Variants in TMPRSS15 observed in about 807,000 individuals in gnomAD.
TMPRSS15 encodes enteropeptidase.
TMPRSS15 carries 128 observed loss-of-function variants against 125.3 expected under a neutral mutation model. That is an observed-to-expected ratio of 1.02 (90% CI 0.89 to 1.18). The LOEUF is 1.18. TMPRSS15 is among the 50% of genes most tolerant of loss of function. TMPRSS15 has a pLI of 0.00. For synonymous variants in TMPRSS15, 446 were observed against 423.2 expected (o/e 1.05, Z -0.66); for missense variants, 1,283 against 1,212.7 (o/e 1.06, Z -0.86).
At chr21:18,449,584 C>T (rs541325512) in intron 1 of TMPRSS15, among the ~76,000 whole-genome samples, 1 of 152,170 alleles carries the variant, frequency 6.6e-6, no homozygotes, top group African/African-American at 2.4e-5. Context: ...ACTAATTGAA[C>T]CTCCTTCTGT....
chr21:18,321,288 T>C (rs2075231842), intron 16 of TMPRSS15, among the ~76,000 whole-genome samples: 2 of 151,950 alleles, frequency 1.3e-5, no homozygotes, highest in South Asian at 2.1e-4. Flanking sequence ...AACTGGATGC[T>C]TGGAAGGTGG....
chr21:18,403,522 C>A lies in TMPRSS15; in HGVS notation c.101G>T (p.Gly34Val). ...LFAILVVLCA[G>V]LIAVSCLTIK... The stretch of plus-strand genomic sequence containing the variant: ...TGTCAGGCAGGATACTGCAATTAAT[C>A]CAGCACAGAGCACTACCAATATGGC... Residue 34 changes from glycine (G) to valine (V), a missense_variant, in exon 1 of 25, where the codon GGA becomes GTA. Coordinates refer to ENST00000284885, the MANE Select transcript of TMPRSS15 (RefSeq NM_002772.3). 6.2e-7 allele frequency: 1 copy of A among 1,614,138 alleles called. No individual in the cohort carries two copies. Among genetic ancestry groups the A allele is most frequent in the South Asian group, 1.1e-5 (1 of 91,074 alleles).
chr21:18,398,348 A>C lies in TMPRSS15; in HGVS notation c.146-19T>G. 1 of 1,612,596 alleles carries C rather than the reference A, an allele frequency of 6.2e-7. No individual in the cohort carries two copies. The highest frequency in any genetic ancestry group is 8.5e-7 in the Non-Finnish European group (1 of 1,179,286). On this transcript the variant is annotated intron_variant, in intron 1 of 24. Transcript: ENST00000284885. ...GCTGCACCTAGATAAATTAATAAGG[A>C]AAAAACACTAAGATTTTGGATTATG... is the stretch of plus-strand genomic sequence containing the variant.
At chr21:18,450,612 C>G (rs751378720) in intron 1 of TMPRSS15, among the ~76,000 whole-genome samples, 1 of 152,062 alleles carries the variant, frequency 6.6e-6, no homozygotes, top group Non-Finnish European at 1.5e-5. Context: ...GGACTGTGCT[C>G]TGGTAAATAG....
At chr21:18,480,604 G>A (rs2824847) in intron 1 of TMPRSS15, among the ~76,000 whole-genome samples, 85,956 of 151,492 alleles carry the variant, frequency 0.57, 25,111 homozygotes, top group East Asian at 0.92. Context: ...TTGTCAGGGT[G>A]CTCAAGATGA....
intron 24 of TMPRSS15, among the ~76,000 whole-genome samples, chr21:18,271,565 T>C (rs928980500): frequency 6.6e-6 from 1 of 152,202 alleles, no homozygotes; most frequent in Non-Finnish European, 1.5e-5. Context: ...AGTTTAGTTA[T>C]GTAACTTCTC....
chr21:18,479,275 A>G (rs1322656960), intron 1 of TMPRSS15, among the ~76,000 whole-genome samples: 1 of 152,020 alleles, frequency 6.6e-6, no homozygotes, highest in Non-Finnish European at 1.5e-5. Flanking sequence ...AAATACATAC[A>G]TTCATAAACA....
Position 18,365,249 on chromosome 21 carries a change from C to T in TMPRSS15, c.665-1G>A. 3 of 1,612,754 alleles carry T rather than the reference C, an allele frequency of 1.9e-6. No homozygotes were observed. Among genetic ancestry groups the T allele is most frequent in the Non-Finnish European group, 2.5e-6 (3 of 1,178,788 alleles). On this transcript the variant is annotated splice_acceptor_variant, in intron 6 of 24. Coordinates refer to ENST00000284885, the MANE Select transcript of TMPRSS15 (RefSeq NM_002772.3). LOFTEE classifies it high-confidence loss of function. ...AAAAATCTTCCATCACAAACTGTGG[C>T]TGCAAAACGATGCCAATTAATGTTA...
At chr21:18,284,507 C>T (rs578191576) in intron 21 of TMPRSS15, among the ~76,000 whole-genome samples, 1 of 152,146 alleles carries the variant, frequency 6.6e-6, no homozygotes, top group East Asian at 1.9e-4. Flanking sequence ...TTTTATATAC[C>T]CAAATCTGAG....
chr21:18,437,444 G>A (rs1025708304), intron 1 of TMPRSS15, among the ~76,000 whole-genome samples: 4 of 152,064 alleles, frequency 2.6e-5, no homozygotes, highest in Non-Finnish European at 4.4e-5. Context: ...AACACAAAAA[G>A]CAATGGTAAC....
rs765937590 is a variant in TMPRSS15 at position 18,343,583 on chromosome 21, C to CT, written c.1350dup (p.Val451SerfsTer21). The CT allele has an allele frequency of 1.2e-5, 20 of 1,612,762 alleles. No individual in the cohort carries two copies. In the South Asian group the frequency reaches 2.1e-4, roughly 17 times the overall value. On this transcript the variant is annotated frameshift_variant, in exon 12 of 25. Transcript: ENST00000284885. LOFTEE classifies it high-confidence loss of function. ...CCATAATTTCCTTCCTTTTGGAAAACTGTCTTCTCCATATTTTGGTCATTG... is the reference window on the plus strand; with the variant it reads ...CCATAATTTCCTTCCTTTTGGAAAACTTGTCTTCTCCATATTTTGGTCATTG...
At chr21:18,401,881 ATAAC>A (rs1317759641) in intron 1 of TMPRSS15, among the ~76,000 whole-genome samples, 1 of 152,222 alleles carries the variant, frequency 6.6e-6, no homozygotes, top group African/African-American at 2.4e-5. Flanking sequence ...CACTTGTAAA[ATAAC>A]TAACCTTTGT....
At chr21:18,362,632 A>G (rs2147027261) in intron 7 of TMPRSS15, among the ~76,000 whole-genome samples, 1 of 152,268 alleles carries the variant, frequency 6.6e-6, no homozygotes. Flanking sequence ...GATTTTTTGA[A>G]GGGATTAAAT....
chr21:18,465,486 T>A (rs1392368257), intron 1 of TMPRSS15, among the ~76,000 whole-genome samples: 1 of 152,176 alleles, frequency 6.6e-6, no homozygotes, highest in African/African-American at 2.4e-5. Flanking sequence ...TGTTTGCAGA[T>A]GAAATCATTG....
chr21:18,444,959 C>T lies in TMPRSS15; in HGVS notation c.10+40840G>A, dbSNP rs567420629. ...GTGAGACAACAAAATTAGCTTGGTG[C>T]AAAGTAGTTGCGGTTTTTGCCATTA... On this transcript the variant is annotated intron_variant, in intron 1 of 7. Transcript: ENST00000422787. Among the ~76,000 whole-genome samples, 24 of 152,152 alleles carry T rather than the reference C, an allele frequency of 1.6e-4. 1 individual carries two copies. The South Asian group carries it at 4.6e-3, about 29-fold the overall frequency.
At chr21:18,382,726 G>T (rs962385173) in intron 4 of TMPRSS15, among the ~76,000 whole-genome samples, 3 of 152,054 alleles carry the variant, frequency 2.0e-5, no homozygotes, top group Non-Finnish European at 2.9e-5. Context: ...ATTCCAAAAT[G>T]TATTTGGTCC....
rs1463795214 is a variant in TMPRSS15 at position 18,281,026 on chromosome 21, T to C, written c.2668+14A>G. The C allele has an allele frequency of 2.5e-5, 8 of 323,322 alleles. No homozygotes were observed. Among genetic ancestry groups the C allele is most frequent in the African/African-American group, 9.6e-5 (1 of 10,400 alleles). 20.0% of individuals were successfully genotyped at this position (323,322 alleles called of 1,614,324 possible). On this transcript the variant is annotated intron_variant, in intron 22 of 24. Transcript: ENST00000284885. ...TGGCAGATAAGATGACTAAGAGTGA[T>C]TTTTTTTTTTTACCTGTGTAATTCA...
intron 1 of TMPRSS15, among the ~76,000 whole-genome samples, chr21:18,485,532 GT>G (rs1979062850): frequency 6.6e-6 from 1 of 151,806 alleles, no homozygotes; most frequent in African/African-American, 2.4e-5. Context: ...TGTTTTGGTT[GT>G]TTCTAATCAT....
In TMPRSS15 at chr21:18,313,009, T is replaced by G. The variant is rs149384708; in HGVS notation, c.2101A>C (p.Thr701Pro). The G allele has an allele frequency of 1.1e-5, 17 of 1,614,098 alleles. No homozygotes were observed. Among genetic ancestry groups the G allele is most frequent in the Non-Finnish European group, 1.4e-5 (17 of 1,179,970 alleles). The change falls in exon 18 of 25, where the codon ACA becomes CCA. Residue 701 changes from threonine to proline, a missense_variant. Thr to Pro is a conservative substitution (Grantham distance 38). Transcript: ENST00000284885. Reference sequence around the variant, plus strand: ...GTGGTCCAGTTCTCAGCACAAGCTGTATGCCATATGCTCTGGATTCTGAAC... The same window carrying G: ...GTGGTCCAGTTCTCAGCACAAGCTGGATGCCATATGCTCTGGATTCTGAAC... The part of the protein sequence containing the change: ...VRFRIQSIWH[T>P]ACAENWTTQI...
Sources: gnomAD v4.1 joint callset for allele counts (sites outside exome capture counted in the v4.1 genomes callset) on GRCh38, gnomAD v4.1.1 for gene constraint, MANE v1.5 for transcripts, NCBI Gene and HGNC (gene_info 2026-07-23, HGNC 2026-07-21) for gene names.